PCBP3: variants seen among roughly 807,000 people sequenced by gnomAD.
PCBP3 encodes the protein poly(rC)-binding protein 3.
PCBP3 carries 25 observed loss-of-function variants against 52.7 expected under a neutral mutation model. That is an observed-to-expected ratio of 0.47 (90% confidence interval 0.35 to 0.66). The LOEUF (loss-of-function observed/expected upper bound fraction) is 0.66. Among genes scored for constraint, PCBP3 ranks in the 30% least tolerant of loss-of-function variants. PCBP3 has a pLI of 0.01. For synonymous variants in PCBP3, 162 were observed against 183.0 expected, an observed-to-expected ratio of 0.89 and a Z score of 0.93; for missense variants, 391 against 490.3, an observed-to-expected ratio of 0.80 and a Z score of 1.91.
intron 3 of PCBP3, among the ~76,000 whole-genome samples, chr21:45,755,037 G>C (rs999890798): frequency 6.6e-6 from 1 of 152,104 alleles, no homozygotes; most frequent in Non-Finnish European, 1.5e-5. Flanking sequence ...AGTTTTATGA[G>C]TTTCAACAAA....
At chr21:45,930,253 G>A (rs868313375) in intron 14 of PCBP3, among the ~76,000 whole-genome samples, 21 of 151,938 alleles carry the variant, frequency 1.4e-4, no homozygotes, top group South Asian at 4.2e-4. Flanking sequence ...GTGAAGAGAC[G>A]TCTGCCCACC....
intron 2 of PCBP3, among the ~76,000 whole-genome samples, chr21:45,669,819 A>ATATATATATATATATATATATC (rs2147256296): frequency 8.2e-6 from 1 of 122,212 alleles, no homozygotes; most frequent in Admixed American, 8.2e-5. Context: ...ATATATATAT[A>ATATATATATATATATATATATC]TATATATATA....
At chr21:45,939,707 G>A (rs903413785) in intron 16 of PCBP3, among the ~76,000 whole-genome samples, 2 of 152,208 alleles carry the variant, frequency 1.3e-5, no homozygotes, top group African/African-American at 2.4e-5. Context: ...CCTGGACCCC[G>A]GGGTGACCAG....
intron 5 of PCBP3, chr21:45,870,726 C>G (rs2094968728): frequency 6.6e-6 from 1 of 152,638 alleles, no homozygotes; most frequent in South Asian, 2.1e-4. Flanking sequence ...CGACCGTGGG[C>G]CAAGCCACTC....
chr21:45,875,964 C>G (rs761406643), intron 5 of PCBP3, among the ~76,000 whole-genome samples: 3 of 152,176 alleles, frequency 2.0e-5, no homozygotes, highest in Non-Finnish European at 4.4e-5. Flanking sequence ...TGCCCATGGC[C>G]CCGCATCCCC....
chr21:45,893,429 G>A (rs1426019798), intron 5 of PCBP3, among the ~76,000 whole-genome samples: 1 of 151,992 alleles, frequency 6.6e-6, no homozygotes, highest in Non-Finnish European at 1.5e-5. Context: ...GAGTCGTGCT[G>A]GTCACATATG....
At chr21:45,852,773 C>A (rs932622498) in intron 5 of PCBP3, among the ~76,000 whole-genome samples, 2 of 152,252 alleles carry the variant, frequency 1.3e-5, no homozygotes, top group South Asian at 4.1e-4. Context: ...GAACACAGCC[C>A]TGTAAACACC....
chr21:45,753,594 C>G (rs538377711), intron 3 of PCBP3, among the ~76,000 whole-genome samples: 34 of 152,060 alleles, frequency 2.2e-4, no homozygotes, highest in Non-Finnish European at 3.4e-4. Context: ...TTATTTTGGA[C>G]TTTCTATTTA....
chr21:45,792,283 C>G (rs577690330), intron 4 of PCBP3, among the ~76,000 whole-genome samples: 1 of 152,356 alleles, frequency 6.6e-6, no homozygotes, highest in East Asian at 1.9e-4. Flanking sequence ...GCAAGAGAAC[C>G]GCTGGGGCAG....
At chr21:45,842,258 AC>A (rs2093714360) in intron 4 of PCBP3, among the ~76,000 whole-genome samples, 1 of 152,202 alleles carries the variant, frequency 6.6e-6, no homozygotes, top group Non-Finnish European at 1.5e-5. Context: ...CTTGGAGACT[AC>A]AAGTACGATT....
In PCBP3 at chr21:45,940,013, C is replaced by T. The variant is rs2077292434; in HGVS notation, c.910-17C>T. Reference sequence around the variant, plus strand: ...CTTGGGCTGTTCTCTAAGAAATCCCCCCGTCCTTGTTTCTAGCTAATAGGC... The same window carrying T: ...CTTGGGCTGTTCTCTAAGAAATCCCTCCGTCCTTGTTTCTAGCTAATAGGC... On this transcript the variant is annotated splice_polypyrimidine_tract_variant and intron_variant, in intron 16 of 17. Transcript: ENST00000681687. 4 of 1,609,758 alleles carry T rather than the reference C, an allele frequency of 2.5e-6. No individual in the cohort carries two copies. The highest frequency in any genetic ancestry group is 3.3e-5 in the Admixed American group (2 of 59,874).
At chr21:45,863,705 G>A (rs994461317) in intron 5 of PCBP3, among the ~76,000 whole-genome samples, 3 of 152,172 alleles carry the variant, frequency 2.0e-5, no homozygotes, top group Non-Finnish European at 4.4e-5. Flanking sequence ...CCATCTGTCC[G>A]ATACCCACAT....
intron 13 of PCBP3, among the ~76,000 whole-genome samples, chr21:45,925,287 G>C (rs982191652): frequency 7.2e-5 from 11 of 152,214 alleles, no homozygotes; most frequent in African/African-American, 2.7e-4. Flanking sequence ...CAACGCACAT[G>C]TTAAAGTTTC....
intron 4 of PCBP3, among the ~76,000 whole-genome samples, chr21:45,809,787 G>C (rs1327259328): frequency 2.0e-5 from 3 of 152,186 alleles, no homozygotes; most frequent in South Asian, 2.1e-4. Context: ...ATGAGGTTTG[G>C]GGGGCAGAAT....
At chr21:45,778,057 A>G (rs191626715) in intron 4 of PCBP3, among the ~76,000 whole-genome samples, 115 of 144,266 alleles carry the variant, frequency 8.0e-4, no homozygotes, top group African/African-American at 2.6e-3. Context: ...GCTTCTTCCT[A>G]TTTTTGAATT....
At chr21:45,696,891 C>T (rs1366163652) in intron 2 of PCBP3, among the ~76,000 whole-genome samples, 3 of 152,012 alleles carry the variant, frequency 2.0e-5, no homozygotes, top group Non-Finnish European at 4.4e-5. Context: ...TAAAGAAGTA[C>T]TCAGTGCTGT....
At chr21:45,703,406 G>A (rs528663070) in intron 2 of PCBP3, among the ~76,000 whole-genome samples, 1 of 152,316 alleles carries the variant, frequency 6.6e-6, no homozygotes, top group African/African-American at 2.4e-5. Flanking sequence ...GAATGGATGC[G>A]GTGTTAACGG....
intron 4 of PCBP3, among the ~76,000 whole-genome samples, chr21:45,767,217 C>A (rs529876579): frequency 6.6e-6 from 1 of 152,102 alleles, no homozygotes; most frequent in South Asian, 2.1e-4. Flanking sequence ...CCCTCCCAAT[C>A]CCCCCTTTCC....
At chr21:45,688,621 T>C (rs2082289578) in intron 2 of PCBP3, among the ~76,000 whole-genome samples, 1 of 151,766 alleles carries the variant, frequency 6.6e-6, no homozygotes, top group Non-Finnish European at 1.5e-5. Context: ...ATAATAAAGT[T>C]AAGAATAAAG....
Sources: allele counts gnomAD v4.1 joint callset (sites outside exome capture counted in the v4.1 genomes callset), GRCh38; gene constraint gnomAD v4.1.1; transcripts MANE v1.5; gene names NCBI Gene and HGNC (gene_info 2026-07-23, HGNC 2026-07-21).